The following ZNF385B variants were observed in gnomAD, a reference collection of about 807,000 sequenced individuals.
ZNF385B encodes the protein zinc finger protein 533.
A neutral mutation model predicts 39.2 loss-of-function variants in ZNF385B; 23 were observed. The ratio of observed to expected loss-of-function variants is 0.59; its 90% CI spans 0.42 to 0.83. The LOEUF (loss-of-function observed/expected upper bound fraction) is 0.83. Ranked by LOEUF, ZNF385B falls within the 40% of genes least tolerant of loss-of-function variation. The pLI is 0.00. For missense variants in ZNF385B, 552 were observed against 598.9 expected (o/e 0.92, Z 0.82); for synonymous variants, 205 against 222.6 (o/e 0.92, Z 0.70).
intron 6 of ZNF385B, among the ~76,000 whole-genome samples, chr2:179,468,440 A>T (rs2052361231): frequency 6.6e-6 from 1 of 152,202 alleles, no homozygotes; most frequent in Admixed American, 6.5e-5. Context: ...AGGCAGCTTT[A>T]TTATGGAAAA....
intron 3 of ZNF385B, among the ~76,000 whole-genome samples, chr2:179,722,623 T>C (rs1215019739): frequency 6.6e-6 from 1 of 152,138 alleles, no homozygotes; most frequent in Non-Finnish European, 1.5e-5. Context: ...ATAGCAATTG[T>C]AGATTAATAT....
intron 3 of ZNF385B, among the ~76,000 whole-genome samples, chr2:179,594,600 T>G (rs766838022): frequency 2.6e-5 from 4 of 152,178 alleles, no homozygotes; most frequent in Admixed American, 6.5e-5. Flanking sequence ...ACTCAGTTAC[T>G]AAAACTACCA....
At chr2:179,486,052 A>G (rs1485291569) in intron 5 of ZNF385B, among the ~76,000 whole-genome samples, 2 of 152,214 alleles carry the variant, frequency 1.3e-5, no homozygotes, top group South Asian at 2.1e-4. Flanking sequence ...AAAGTGTAAC[A>G]TTATTTTAGG....
chr2:179,727,470 GA>G (rs1445664385), intron 3 of ZNF385B, among the ~76,000 whole-genome samples: 5 of 152,166 alleles, frequency 3.3e-5, no homozygotes, highest in South Asian at 4.1e-4. Flanking sequence ...AAAAATGTGT[GA>G]TTGCTACAGC....
intron 1 of ZNF385B, among the ~76,000 whole-genome samples, chr2:179,819,882 C>CT (rs1707299446): frequency 1.3e-5 from 2 of 152,110 alleles, no homozygotes; most frequent in Non-Finnish European, 2.9e-5. Flanking sequence ...ATACTTTTTT[C>CT]ATATTAACAA....
chr2:179,823,561 A>AT (rs1009643541), intron 1 of ZNF385B, among the ~76,000 whole-genome samples: 7 of 151,714 alleles, frequency 4.6e-5, no homozygotes, highest in South Asian at 2.1e-4. Context: ...TTGTTTCAGG[A>AT]TTTTTTTTCC....
At chr2:179,677,767 CT>C (rs1212798000) in intron 3 of ZNF385B, among the ~76,000 whole-genome samples, 1 of 152,178 alleles carries the variant, frequency 6.6e-6, no homozygotes, top group Non-Finnish European at 1.5e-5. Context: ...AAAAAGCAGA[CT>C]AACCTGAAGA....
intron 3 of ZNF385B, among the ~76,000 whole-genome samples, chr2:179,603,742 T>A (rs1311060121): frequency 6.6e-6 from 1 of 152,178 alleles, no homozygotes; most frequent in African/African-American, 2.4e-5. Context: ...ACAGGGTTAG[T>A]CACTGATGAA....
chr2:179,528,048 T>C (rs528480247), intron 4 of ZNF385B, among the ~76,000 whole-genome samples: 1 of 152,314 alleles, frequency 6.6e-6, no homozygotes, highest in African/African-American at 2.4e-5. Flanking sequence ...TACTTTTACA[T>C]GTAAAGTCAT....
At chr2:179,661,922 C>T (rs1694525693) in intron 3 of ZNF385B, among the ~76,000 whole-genome samples, 1 of 152,072 alleles carries the variant, frequency 6.6e-6, no homozygotes, top group Non-Finnish European at 1.5e-5. Context: ...GTTTAATTGC[C>T]ATTTAAAAAT....
chr2:179,743,745 T>C (rs1702211569), intron 3 of ZNF385B, among the ~76,000 whole-genome samples: 1 of 152,172 alleles, frequency 6.6e-6, no homozygotes, highest in Admixed American at 6.6e-5. Flanking sequence ...ACAAATGCAT[T>C]TCATTTTTAT....
intron 6 of ZNF385B, among the ~76,000 whole-genome samples, chr2:179,473,302 G>C (rs1404758548): frequency 6.6e-6 from 1 of 152,140 alleles, no homozygotes; most frequent in Non-Finnish European, 1.5e-5. Context: ...TACATAAAGA[G>C]GAATGTAAGT....
intron 5 of ZNF385B, among the ~76,000 whole-genome samples, chr2:179,504,274 C>T (rs2057042807): frequency 6.6e-6 from 1 of 151,982 alleles, no homozygotes; most frequent in Non-Finnish European, 1.5e-5. Flanking sequence ...TCCAGTCTAT[C>T]ATTGTTGGAC....
At chr2:179,799,774 A>T (rs1270772663) in intron 1 of ZNF385B, among the ~76,000 whole-genome samples, 2 of 152,108 alleles carry the variant, frequency 1.3e-5, no homozygotes, top group Non-Finnish European at 2.9e-5. Flanking sequence ...AAAGCATAAT[A>T]AGCAGGGAAT....
At chr2:179,472,608 C>A (rs1010549830) in intron 6 of ZNF385B, among the ~76,000 whole-genome samples, 4 of 152,130 alleles carry the variant, frequency 2.6e-5, no homozygotes, top group African/African-American at 9.7e-5. Flanking sequence ...TAATTAATAG[C>A]CGACAAGGAT....
intron 7 of ZNF385B, 61 bp downstream of exon 7, chr2:179,446,464 C>A: frequency 6.4e-7 from 1 of 1,552,738 alleles, no homozygotes; most frequent in Non-Finnish European, 8.7e-7. Flanking sequence ...ATATGGTATT[C>A]TGATGGGAAA....
intron 3 of ZNF385B, among the ~76,000 whole-genome samples, chr2:179,568,374 A>G (rs778044507): frequency 3.3e-5 from 5 of 152,226 alleles, no homozygotes; most frequent in African/African-American, 7.2e-5. Flanking sequence ...TTACTAAAAT[A>G]TAATCTCCAC....
chr2:179,683,057 A>T (rs7558784), intron 3 of ZNF385B, among the ~76,000 whole-genome samples: 37,244 of 152,042 alleles, frequency 0.24, 4,980 homozygotes, highest in Admixed American at 0.3. Flanking sequence ...AGGTACAATT[A>T]AAAAAAGTCC....
intron 3 of ZNF385B, among the ~76,000 whole-genome samples, chr2:179,655,858 C>A (rs1430633853): frequency 6.6e-6 from 1 of 152,082 alleles, no homozygotes; most frequent in Non-Finnish European, 1.5e-5. Context: ...AATACTGAGT[C>A]ATGGTTCTAG....
Sources: gnomAD v4.1 joint callset for allele counts (sites outside exome capture counted in the v4.1 genomes callset) on GRCh38, gnomAD v4.1.1 for gene constraint, MANE v1.5 for transcripts, NCBI Gene and HGNC (gene_info 2026-07-23, HGNC 2026-07-21) for gene names.